The following ZFPM2 variants were observed in gnomAD, a reference collection of about 807,000 sequenced individuals.
ZFPM2 encodes the protein zinc finger protein ZFPM2.
ZFPM2 carries 20 observed loss-of-function variants against 98.6 expected under a neutral mutation model. The ratio of observed to expected loss-of-function variants is 0.20; its 90% CI spans 0.14 to 0.29. The LOEUF is 0.29. Ranked by LOEUF, ZFPM2 falls within the 10% of genes least tolerant of loss-of-function variation. ZFPM2 has a pLI of 1.00. For synonymous variants in ZFPM2, 518 were observed against 502.7 expected, an observed-to-expected ratio of 1.03 and a Z score of -0.41; for missense variants, 1,310 against 1,388.6, an observed-to-expected ratio of 0.94 and a Z score of 0.90.
intron 3 of ZFPM2, among the ~76,000 whole-genome samples, chr8:105,492,528 G>A (rs1444061206): frequency 6.6e-6 from 1 of 152,024 alleles, no homozygotes; most frequent in Non-Finnish European, 1.5e-5. Context: ...ACAAATGAGG[G>A]AAAATTGCCC....
rs1563692077 is a variant in ZFPM2, at chr8:105,510,413, GTTTGT to G, written c.302-50947_302-50943del. On this transcript the variant is annotated intron_variant, in intron 3 of 7. Transcript: ENST00000407775. ...GTCTGTGCATGTTTTTTTTTTTTTT[GTTTGT>G]TTGTTTGTTTCCAAGGAATTGCTTC... Among the ~76,000 whole-genome samples the G allele has an allele frequency of 3.7e-3, 514 of 138,510 alleles. 2 individuals are homozygous for G. Among genetic ancestry groups the G allele is most frequent in the African/African-American group, 0.013 (483 of 37,982 alleles). The allele number at this position is 138,510 out of a possible 152,430, so 90.9% of individuals were successfully genotyped here.
chr8:105,402,743 G>A (rs896930972), intron 1 of ZFPM2, among the ~76,000 whole-genome samples: 2 of 151,802 alleles, frequency 1.3e-5, no homozygotes, highest in Admixed American at 6.6e-5. Context: ...TTTATCTTTA[G>A]CTAGTTTGTG....
At chr8:105,747,430 A>G (rs761773907) in intron 5 of ZFPM2, among the ~76,000 whole-genome samples, 1 of 152,066 alleles carries the variant, frequency 6.6e-6, no homozygotes, top group South Asian at 2.1e-4. Flanking sequence ...GCCACATGTA[A>G]TGTTCTCTGA....
intron 1 of ZFPM2, among the ~76,000 whole-genome samples, chr8:105,354,115 T>A (rs1812697224): frequency 6.6e-6 from 1 of 152,192 alleles, no homozygotes; most frequent in African/African-American, 2.4e-5. Context: ...GGATGCTAAC[T>A]TTTTTACACG....
chr8:105,565,274 G>C (rs948553773), intron 4 of ZFPM2, among the ~76,000 whole-genome samples: 1 of 152,046 alleles, frequency 6.6e-6, no homozygotes, highest in Admixed American at 6.6e-5. Flanking sequence ...AAACAAATTA[G>C]TTTGACAAAA....
intron 4 of ZFPM2, among the ~76,000 whole-genome samples, chr8:105,618,733 T>G (rs944738796): frequency 1.3e-5 from 2 of 152,154 alleles, no homozygotes; most frequent in Non-Finnish European, 2.9e-5. Context: ...GCAAGTAAGA[T>G]GCAGAGTACT....
intron 3 of ZFPM2, among the ~76,000 whole-genome samples, chr8:105,495,079 G>T (rs1354770848): frequency 6.6e-6 from 1 of 152,138 alleles, no homozygotes. Context: ...GTTGAGATTT[G>T]GCCCACAGGC....
chr8:105,581,917 G>T (rs1384014484), intron 4 of ZFPM2, among the ~76,000 whole-genome samples: 1 of 152,146 alleles, frequency 6.6e-6, no homozygotes, highest in Non-Finnish European at 1.5e-5. Context: ...GGAAGATTGT[G>T]ATCTTATCCC....
rs148033075 is a variant in ZFPM2, at chr8:105,640,862, T to G, written c.532+6505T>G. On this transcript the variant is annotated intron_variant, in intron 5 of 7. Transcript: ENST00000407775. ...ATAAACTAATTTAAAAGGAAAAATT[T>G]GCGTTCATATTTTACGCATTTATTT... Among the ~76,000 whole-genome samples the G allele has an allele frequency of 2.2e-3, 332 of 152,146 alleles. 1 individual carries two copies. The highest frequency in any genetic ancestry group is 7.4e-3 in the African/African-American group (308 of 41,568).
At chr8:105,619,558 A>C (rs1407972400) in intron 4 of ZFPM2, among the ~76,000 whole-genome samples, 1 of 152,068 alleles carries the variant, frequency 6.6e-6, no homozygotes, top group African/African-American at 2.4e-5. Flanking sequence ...TCATACTTTA[A>C]GTTCTAGGGT....
chr8:105,796,015 C>T (rs1813796833), intron 6 of ZFPM2: 1 of 197,760 alleles, frequency 5.1e-6, no homozygotes, highest in African/African-American at 2.4e-5. Flanking sequence ...AAATATTTAA[C>T]TGTAATTAGA....
At chr8:105,602,949 C>T (rs1270722192) in intron 4 of ZFPM2, among the ~76,000 whole-genome samples, 3 of 152,052 alleles carry the variant, frequency 2.0e-5, no homozygotes, top group Admixed American at 6.6e-5. Context: ...TTCTGAAAAG[C>T]TTATTGATAA....
chr8:105,384,545 A>C (rs796235462), intron 1 of ZFPM2, among the ~76,000 whole-genome samples: 5 of 152,088 alleles, frequency 3.3e-5, no homozygotes, highest in African/African-American at 1.2e-4. Flanking sequence ...GATGGGCCTA[A>C]GGCAGACTCA....
intron 3 of ZFPM2, among the ~76,000 whole-genome samples, chr8:105,468,373 C>A (rs1380435557): frequency 1.3e-5 from 2 of 152,058 alleles, no homozygotes; most frequent in African/African-American, 2.4e-5. Flanking sequence ...TCATATGTAT[C>A]AACCCTCTTT....
chr8:105,486,004 C>G (rs1439277090), intron 3 of ZFPM2, among the ~76,000 whole-genome samples: 1 of 152,198 alleles, frequency 6.6e-6, no homozygotes, highest in Non-Finnish European at 1.5e-5. Flanking sequence ...GATCTATCAC[C>G]TGAGCTTTGG....
At chr8:105,542,411 A>G (rs986102673) in intron 3 of ZFPM2, among the ~76,000 whole-genome samples, 1 of 152,148 alleles carries the variant, frequency 6.6e-6, no homozygotes, top group African/African-American at 2.4e-5. Flanking sequence ...ATTATAAATT[A>G]ATAGTTTAAG....
At chr8:105,756,795 A>G (rs1812609014) in intron 5 of ZFPM2, among the ~76,000 whole-genome samples, 1 of 152,114 alleles carries the variant, frequency 6.6e-6, no homozygotes, top group Non-Finnish European at 1.5e-5. Context: ...TGGCATTGGC[A>G]GTATTGCAAA....
chr8:105,754,600 A>G (rs1812551319), intron 5 of ZFPM2, among the ~76,000 whole-genome samples: 1 of 152,242 alleles, frequency 6.6e-6, no homozygotes, highest in African/African-American at 2.4e-5. Flanking sequence ...TTCTTATTCA[A>G]CGACCTGCGG....
chr8:105,475,617 A>G (rs1283549257), intron 3 of ZFPM2, among the ~76,000 whole-genome samples: 1 of 152,228 alleles, frequency 6.6e-6, no homozygotes, highest in Admixed American at 6.5e-5. Context: ...AAATTTGGAT[A>G]TGCATGGTTA....
Sources: allele counts gnomAD v4.1 joint callset (sites outside exome capture counted in the v4.1 genomes callset), GRCh38; gene constraint gnomAD v4.1.1; transcripts MANE v1.5; gene names NCBI Gene and HGNC (gene_info 2026-07-23, HGNC 2026-07-21).